Variants in CYFIP2 observed in about 807,000 individuals in gnomAD.
CYFIP2 encodes cytoplasmic FMR1-interacting protein 2.
A neutral mutation model predicts 158.7 loss-of-function variants in CYFIP2; 29 were observed. The observed-to-expected ratio is 0.18, with a 90% CI of 0.14 to 0.25. The LOEUF is 0.25. Among genes scored for constraint, CYFIP2 ranks in the 10% least tolerant of loss-of-function variants. CYFIP2 has a pLI of 1.00. For synonymous variants in CYFIP2, 585 were observed against 617.6 expected (o/e 0.95, Z 0.78); for missense variants, 852 against 1,639.5 (o/e 0.52, Z 8.29).
At chr5:157,377,306 C>A (rs924897775) in intron 26 of CYFIP2, among the ~76,000 whole-genome samples, 5 of 152,092 alleles carry the variant, frequency 3.3e-5, no homozygotes, top group African/African-American at 1.2e-4. Flanking sequence ...TTTCCTCTAG[C>A]ACTGAAAGCT....
chr5:157,328,700 T>C (rs1163086092), intron 19 of CYFIP2, among the ~76,000 whole-genome samples: 1 of 152,246 alleles, frequency 6.6e-6, no homozygotes, highest in Non-Finnish European at 1.5e-5. Context: ...GTTTCAAAAG[T>C]ACAACCGTGA....
intron 5 of CYFIP2, among the ~76,000 whole-genome samples, chr5:157,299,110 A>T (rs963189509): frequency 1.3e-5 from 2 of 152,058 alleles, no homozygotes; most frequent in African/African-American, 4.8e-5. Context: ...TCAGATGGTA[A>T]CCCCACCTTT....
rs1302844327 is a variant in CYFIP2 at position 157,344,921 on chromosome 5, G to A, written c.2673+3764G>A. Reference sequence around the variant, plus strand: ...GAGTGGAGCTGCAGAAAGGTGCACAGCATTGAGTAGTTTCTTAATCCTTGT... The same window carrying A: ...GAGTGGAGCTGCAGAAAGGTGCACAACATTGAGTAGTTTCTTAATCCTTGT... On this transcript the variant is annotated intron_variant, in intron 23 of 30. Transcript: ENST00000620254. Among the ~76,000 whole-genome samples, 3 of 152,216 alleles carry A rather than the reference G, an allele frequency of 2.0e-5. No individual in the cohort carries two copies. In the East Asian group the frequency reaches 5.8e-4, roughly 29 times the overall value.
chr5:157,337,857 A>G (rs1761972508), intron 21 of CYFIP2, among the ~76,000 whole-genome samples: 2 of 152,236 alleles, frequency 1.3e-5, no homozygotes, highest in South Asian at 4.1e-4. Context: ...TCCTTGTTCC[A>G]GGGAACTGTG....
intron 13 of CYFIP2, among the ~76,000 whole-genome samples, chr5:157,317,983 T>C (rs1306901586): frequency 1.3e-5 from 2 of 152,240 alleles, no homozygotes; most frequent in African/African-American, 4.8e-5. Flanking sequence ...GGAATTCCCT[T>C]TACCTCTGTC....
intron 21 of CYFIP2, among the ~76,000 whole-genome samples, chr5:157,333,647 T>G (rs1273489518): frequency 6.6e-6 from 1 of 152,154 alleles, no homozygotes; most frequent in Non-Finnish European, 1.5e-5. Context: ...AACGATAGCA[T>G]GGAGGGGGTC....
At chr5:157,319,203 G>A (rs974483064) in intron 13 of CYFIP2, among the ~76,000 whole-genome samples, 1 of 152,162 alleles carries the variant, frequency 6.6e-6, no homozygotes, top group Non-Finnish European at 1.5e-5. Context: ...TTAGGGTAAG[G>A]AGAAGGGAAA....
At chr5:157,312,362 A>C (rs1159722966) in intron 11 of CYFIP2, among the ~76,000 whole-genome samples, 2 of 151,286 alleles carry the variant, frequency 1.3e-5, no homozygotes, top group Non-Finnish European at 2.9e-5. Flanking sequence ...TCAGCGCACA[A>C]ACCTCAGGAA....
chr5:157,306,279 A>G (rs1759213783), intron 8 of CYFIP2, among the ~76,000 whole-genome samples: 1 of 152,182 alleles, frequency 6.6e-6, no homozygotes, highest in South Asian at 2.1e-4. Context: ...TCGTCCCAAC[A>G]TCAGAAATCC....
intron 16 of CYFIP2, chr5:157,324,744 G>A (rs1581061914): frequency 1.4e-5 from 2 of 143,728 alleles, no homozygotes; most frequent in Admixed American, 1.4e-4. Context: ...TTTGTATAAT[G>A]AACACACTTT....
At chr5:157,272,377 A>G (rs556037911) in intron 1 of CYFIP2, among the ~76,000 whole-genome samples, 1 of 152,362 alleles carries the variant, frequency 6.6e-6, no homozygotes, top group African/African-American at 2.4e-5. Context: ...ACTGCTAACA[A>G]GGAGACTTTG....
intron 17 of CYFIP2, 26 bp from the exon 18 acceptor site, chr5:157,326,145 G>T: frequency 6.4e-7 from 1 of 1,555,596 alleles, no homozygotes; most frequent in Non-Finnish European, 8.9e-7. Context: ...ATTAGCAAGC[G>T]GCTGGCTGTG....
intron 26 of CYFIP2, among the ~76,000 whole-genome samples, chr5:157,368,016 C>G (rs1243536358): frequency 6.6e-6 from 1 of 152,064 alleles, no homozygotes; most frequent in Admixed American, 6.5e-5. Context: ...CCTCGGCCTC[C>G]CGAAGTGCTG....
Position 157,390,752 on chromosome 5 carries a change from T to TGC in CYFIP2, c.3594+85_3594+86dup, listed in dbSNP as rs1175657086. 7.8e-6 allele frequency: 12 copies of TGC among 1,540,462 alleles called. No homozygotes were observed. The Admixed American group carries it at 2.3e-4, about 29-fold the overall frequency. Reference sequence around the variant, plus strand: ...ACCAGAAAAGCAAACAAGGAGGAGCTGCTTGTGAAGGCCAGCTCCCCACAC... The same window carrying TGC: ...ACCAGAAAAGCAAACAAGGAGGAGCTGCGCTTGTGAAGGCCAGCTCCCCACAC... On this transcript the variant is annotated intron_variant, in intron 30 of 30. Coordinates refer to ENST00000620254, the MANE Select transcript of CYFIP2 (RefSeq NM_001037333.3).
chr5:157,282,594 A>G (rs942700896), intron 1 of CYFIP2, among the ~76,000 whole-genome samples: 4 of 152,222 alleles, frequency 2.6e-5, no homozygotes, highest in African/African-American at 4.8e-5. Flanking sequence ...ATTTTTGTCA[A>G]TGCATCTTTG....
chr5:157,365,034 G>A (rs1414096024), intron 26 of CYFIP2: 2 of 151,802 alleles, frequency 1.3e-5, no homozygotes, highest in African/African-American at 2.4e-5. Flanking sequence ...TGATGCCATA[G>A]ATATAAACCA....
intron 15 of CYFIP2, chr5:157,322,869 TTTC>T: frequency 1.4e-6 from 2 of 1,408,372 alleles, no homozygotes; most frequent in Non-Finnish European, 1.9e-6. Flanking sequence ...TCTCTCTCTC[TTTC>T]TCTCTCTCCC....
chr5:157,365,757 T>A (rs1764306810), intron 26 of CYFIP2, among the ~76,000 whole-genome samples: 1 of 151,132 alleles, frequency 6.6e-6, no homozygotes, highest in South Asian at 2.1e-4. Context: ...TGTAGAGTTA[T>A]CTAGTATGTT....
At position 157,327,086 on chromosome 5, in the gene CYFIP2, C is replaced by T. The variant is rs571788226; in HGVS notation, c.2079+819C>T. Reference sequence around the variant, plus strand: ...TGCCCCATCTCATGGTCATGTCCTGCTCTTGCCATTTCTGAAATATTTGGT... The same window carrying T: ...TGCCCCATCTCATGGTCATGTCCTGTTCTTGCCATTTCTGAAATATTTGGT... On this transcript the variant is annotated intron_variant, in intron 18 of 30. Coordinates refer to ENST00000620254, the MANE Select transcript of CYFIP2 (RefSeq NM_001037333.3). Among the ~76,000 whole-genome samples the T allele has an allele frequency of 5.3e-5, 8 of 152,310 alleles. No individual in the cohort carries two copies. The South Asian group carries it at 1.7e-3, about 32-fold the overall frequency.
Sources: gnomAD v4.1 joint callset for allele counts (sites outside exome capture counted in the v4.1 genomes callset) on GRCh38, gnomAD v4.1.1 for gene constraint, MANE v1.5 for transcripts, NCBI Gene and HGNC (gene_info 2026-07-23, HGNC 2026-07-21) for gene names.